The following DOCK7 variants were observed in gnomAD, a reference collection of about 807,000 sequenced individuals.
DOCK7 encodes dedicator of cytokinesis 7.
In DOCK7, 138 loss-of-function variants were observed where a neutral mutation model predicts 271.0. That is an observed-to-expected ratio of 0.51 (90% CI 0.44 to 0.59). The LOEUF (loss-of-function observed/expected upper bound fraction) is 0.59, where lower values mean the gene tolerates loss of function less well. Among genes scored for constraint, DOCK7 ranks in the 20% least tolerant of loss-of-function variants. DOCK7 has a pLI of 0.00. For missense variants in DOCK7, 2,066 were observed against 2,592.4 expected (o/e 0.80, Z 4.41); for synonymous variants, 823 against 876.1 (o/e 0.94, Z 1.07).
intron 7 of DOCK7, among the ~76,000 whole-genome samples, chr1:62,641,836 T>TA (rs1053617463): frequency 2.6e-5 from 4 of 152,364 alleles, no homozygotes; most frequent in African/African-American, 9.6e-5. Flanking sequence ...TGTTTTGACT[T>TA]AAAGTCAATT....
chr1:62,635,657 T>C (rs973719894), intron 8 of DOCK7: 3 of 151,988 alleles, frequency 2.0e-5, no homozygotes, highest in Admixed American at 2.0e-4. Flanking sequence ...AGTTAGCAAA[T>C]AAAAGTTGCT....
At chr1:62,624,057 G>T (rs1165183324) in intron 12 of DOCK7, among the ~76,000 whole-genome samples, 1 of 152,094 alleles carries the variant, frequency 6.6e-6, no homozygotes, top group Non-Finnish European at 1.5e-5. Context: ...TCCAAAACAT[G>T]TACTACTCCA....
chr1:62,477,634 G>C lies in DOCK7; in HGVS notation c.5634+66C>G, dbSNP rs997737342. ...TTACTAAATGATTAGATCTGGATCT[G>C]AAAGTCTAATCATCAGAGAGAATAC... On this transcript the variant is annotated intron_variant, in intron 44 of 49. Transcript: ENST00000635253. 8 of 1,463,858 alleles carry C rather than the reference G, an allele frequency of 5.5e-6. No homozygotes were observed. In the African/African-American group the frequency reaches 8.5e-5, roughly 16 times the overall value. 90.7% of individuals were successfully genotyped at this position (1,463,858 alleles called of 1,614,324 possible). A position where few individuals can be genotyped will look rare whatever the true frequency, so the allele number is the denominator to read the frequency against.
chr1:62,463,693 T>C (rs1054008728), intron 48 of DOCK7, among the ~76,000 whole-genome samples: 26 of 144,862 alleles, frequency 1.8e-4, no homozygotes, highest in African/African-American at 6.7e-4. Flanking sequence ...AAACATTGTA[T>C]ACACTGTTAA....
rs772895768 is a variant in DOCK7, at chr1:62,513,571, G to C, written c.4155C>G (p.Thr1385=). 6.8e-6 allele frequency: 11 copies of C among 1,613,906 alleles called. No individual in the cohort carries two copies. In the East Asian group the frequency reaches 2.5e-4, roughly 36 times the overall value. ...CTCTCATGTCTTTTGATTTCTTAAA[G>C]GTCAAGCTATTCATTCGTTCAAACA... ...KKVFERMNSL[T]FKKSKDMRAK... is the part of the protein sequence containing the mutation. The change falls in exon 33 of 50, where the codon ACC becomes ACG. Residue 1385 remains threonine, a synonymous_variant. Transcript: ENST00000635253.
intron 29 of DOCK7, among the ~76,000 whole-genome samples, chr1:62,532,610 C>T (rs1183507109): frequency 6.6e-6 from 1 of 152,228 alleles, no homozygotes; most frequent in Non-Finnish European, 1.5e-5. Flanking sequence ...GTTGGGATTA[C>T]AGGCATGAGC....
chr1:62,550,306 T>C (rs1301131097), intron 22 of DOCK7, among the ~76,000 whole-genome samples: 1 of 152,144 alleles, frequency 6.6e-6, no homozygotes, highest in African/African-American at 2.4e-5. Context: ...TCATTTTTAA[T>C]ACAGAAGAGT....
chr1:62,526,824 A>G lies in DOCK7; in HGVS notation c.3936+1327T>C, dbSNP rs531579593. 2.0e-5 allele frequency among the ~76,000 whole-genome samples: 3 copies of G among 152,308 alleles called. No homozygotes were observed. In the East Asian group the frequency reaches 5.8e-4, roughly 29 times the overall value. On this transcript the variant is annotated intron_variant, in intron 31 of 49. Coordinates refer to ENST00000635253, the MANE Select transcript of DOCK7 (RefSeq NM_001367561.1). ...GCTTAGTGAAAGAATACAAACACAA[A>G]AGATCATATAGTAAATAATTTCATT...
intron 48 of DOCK7, among the ~76,000 whole-genome samples, chr1:62,471,338 A>G (rs1645824825): frequency 6.6e-6 from 1 of 152,200 alleles, no homozygotes; most frequent in South Asian, 2.1e-4. Context: ...GAAACTTTTT[A>G]GAATGTACTA....
At chr1:62,584,909 A>G in intron 15 of DOCK7, 1 of 701,086 alleles carries the variant, frequency 1.4e-6, no homozygotes, top group East Asian at 2.7e-5. Context: ...ATGATAAGAC[A>G]AGGAAGAGTT....
chr1:62,599,939 A>G (rs1649865017), intron 14 of DOCK7, among the ~76,000 whole-genome samples: 1 of 152,010 alleles, frequency 6.6e-6, no homozygotes, highest in African/African-American at 2.4e-5. Context: ...AAGAGGATTC[A>G]AAAAACATAA....
chr1:62,613,689 G>A (rs541371138), intron 14 of DOCK7, among the ~76,000 whole-genome samples: 10 of 152,172 alleles, frequency 6.6e-5, no homozygotes, highest in African/African-American at 1.4e-4. Flanking sequence ...TCTTTCCTAC[G>A]ATTTCTCAAC....
At chr1:62,672,408 A>G (rs1301663783) in intron 1 of DOCK7, among the ~76,000 whole-genome samples, 1 of 152,122 alleles carries the variant, frequency 6.6e-6, no homozygotes, top group African/African-American at 2.4e-5. Flanking sequence ...CCTATGAAGT[A>G]GGTACTCTAT....
rs765410448 is a variant in DOCK7 at position 62,539,577 on chromosome 1, C to G, written c.3268G>C (p.Val1090Leu). The change falls in exon 27 of 50, where the codon GTT becomes CTT. Residue 1090 changes from valine to leucine, a missense_variant. By Grantham distance (32) the Val-to-Leu change is conservative. This residue lies in a region of DOCK7 where 1,414 missense variants were observed against 1,670.4 expected (regional missense o/e 0.85). Coordinates refer to ENST00000635253, the MANE Select transcript of DOCK7 (RefSeq NM_001367561.1). ...TAGCAGGACTTTATAAGGCTAAAAA[C>G]AAATCCTCTGTCCATAACAGACAAC... ...DLLSVMDRGF[V>L]FSLIKSCYKQ... 3 of 1,613,236 alleles carry G rather than the reference C, an allele frequency of 1.9e-6. No homozygotes were observed. In the Admixed American group the frequency reaches 5.0e-5, roughly 27 times the overall value.
rs573391176 is a variant in DOCK7 at position 62,615,054 on chromosome 1, G to A, written c.1682+3652C>T. On this transcript the variant is annotated intron_variant, in intron 14 of 49. Transcript: ENST00000635253. Reference sequence around the variant, plus strand: ...AACATGGTTACAAAATACAGGTTACGAGAGCCCATCTCCCAATTTTTCATA... The same window carrying A: ...AACATGGTTACAAAATACAGGTTACAAGAGCCCATCTCCCAATTTTTCATA... Among the ~76,000 whole-genome samples the A allele has an allele frequency of 3.9e-5, 6 of 151,914 alleles. No homozygotes were observed. The South Asian group carries it at 8.3e-4, about 21-fold the overall frequency.
Position 62,586,523 on chromosome 1 carries a change from G to C in DOCK7, c.1784C>G (p.Pro595Arg). The stretch of plus-strand genomic sequence containing the variant: ...ATTTCTTACCGGCATGGCATTGCTT[G>C]GATCCTCTCCATACATAAACTGGAC... ...VKVQFMYGED[P>R]SNAMPVIFGK... Residue 595 changes from proline to arginine, a missense_variant, in exon 15 of 50, where the codon CCA becomes CGA. Coordinates refer to ENST00000635253, the MANE Select transcript of DOCK7 (RefSeq NM_001367561.1). The C allele has an allele frequency of 6.2e-7, 1 of 1,607,584 alleles. No homozygotes were observed. The highest frequency in any genetic ancestry group is 2.2e-5 in the East Asian group (1 of 44,686).
chr1:62,633,455 C>T lies in DOCK7; in HGVS notation c.1116+43G>A, dbSNP rs367886092. The T allele has an allele frequency of 2.7e-5, 38 of 1,423,696 alleles. No homozygotes were observed. The African/African-American group carries it at 4.7e-4, about 18-fold the overall frequency. The allele number at this position is 1,423,696 out of a possible 1,614,324, so 88.2% of individuals were successfully genotyped here. On this transcript the variant is annotated intron_variant, in intron 10 of 49. Transcript: ENST00000635253. ...GGGAGAATAGTATTCTCCCAAGTTA[C>T]AATAGTAATAATGTGGCGGAAATGA... is the stretch of plus-strand genomic sequence containing the variant.
chr1:62,600,935 C>G, intron 14 of DOCK7: 1 of 609,874 alleles, frequency 1.6e-6, no homozygotes, highest in African/African-American at 1.9e-5. Flanking sequence ...TCTGTACAAT[C>G]TGAATAACAC....
At chr1:62,543,890 C>T (rs1344063307) in intron 23 of DOCK7, 145 bp from the exon 24 acceptor site, 2 of 524,908 alleles carry the variant, frequency 3.8e-6, no homozygotes, top group East Asian at 2.9e-5. Context: ...CTCATTTTCA[C>T]CATGTTAAGC....
Sources: gnomAD v4.1 joint callset for allele counts (sites outside exome capture counted in the v4.1 genomes callset) on GRCh38, gnomAD v4.1.1 for gene constraint, gnomAD v4.1.1 regional missense constraint, MANE v1.5 for transcripts, NCBI Gene and HGNC (gene_info 2026-07-23, HGNC 2026-07-21) for gene names.